BMPR1B: variants seen among roughly 807,000 people sequenced by gnomAD.
The protein encoded by BMPR1B is bone morphogenetic protein receptor type-1B.
A neutral mutation model predicts 59.1 loss-of-function variants in BMPR1B; 12 were observed. The ratio of observed to expected loss-of-function variants is 0.20; its 90% CI spans 0.13 to 0.33. BMPR1B has a LOEUF of 0.33. Ranked by LOEUF, BMPR1B falls within the 10% of genes least tolerant of loss-of-function variation. The pLI, the probability that BMPR1B is intolerant of heterozygous loss-of-function variation, is 1.00. For missense variants in BMPR1B, 550 were observed against 610.9 expected, an observed-to-expected ratio of 0.90 and a Z score of 1.05; for synonymous variants, 237 against 207.3, an observed-to-expected ratio of 1.14 and a Z score of -1.23.
intron 2 of BMPR1B, among the ~76,000 whole-genome samples, chr4:94,925,679 T>A (rs928438888): frequency 4.6e-5 from 7 of 152,168 alleles, no homozygotes; most frequent in Admixed American, 4.6e-4. Flanking sequence ...ACTGAAGAGC[T>A]TTGAAACTTG....
chr4:94,955,120 G>C (rs934123530), intron 2 of BMPR1B, among the ~76,000 whole-genome samples: 2 of 152,178 alleles, frequency 1.3e-5, no homozygotes, highest in Non-Finnish European at 2.9e-5. Flanking sequence ...CACCTGAAAA[G>C]TGGGAATGTG....
intron 1 of BMPR1B, among the ~76,000 whole-genome samples, chr4:94,849,440 C>A (rs772823150): frequency 6.6e-6 from 1 of 152,062 alleles, no homozygotes; most frequent in South Asian, 2.1e-4. Context: ...AGATTTAGAC[C>A]GTTCTCTTGA....
At chr4:94,889,636 C>T (rs1727312457) in intron 2 of BMPR1B, among the ~76,000 whole-genome samples, 1 of 152,060 alleles carries the variant, frequency 6.6e-6, no homozygotes, top group Non-Finnish European at 1.5e-5. Context: ...CTGCAGAGAA[C>T]TTTCCCATGC....
chr4:94,854,649 C>G (rs556175787), intron 1 of BMPR1B, among the ~76,000 whole-genome samples: 1 of 152,244 alleles, frequency 6.6e-6, no homozygotes, highest in African/African-American at 2.4e-5. Flanking sequence ...TCTCATGAGT[C>G]CAGCCATTCA....
At chr4:94,783,383 G>A (rs1162060974) in intron 1 of BMPR1B, among the ~76,000 whole-genome samples, 2 of 152,116 alleles carry the variant, frequency 1.3e-5, no homozygotes, top group Non-Finnish European at 2.9e-5. Flanking sequence ...GGATCTACTA[G>A]CTTCCTCTTA....
chr4:94,984,562 G>A (rs1472816587), intron 2 of BMPR1B, among the ~76,000 whole-genome samples: 1 of 152,094 alleles, frequency 6.6e-6, no homozygotes, highest in Non-Finnish European at 1.5e-5. Flanking sequence ...GTACTACTAT[G>A]CATAATTTTA....
chr4:94,866,697 G>T (rs959091297), intron 1 of BMPR1B, among the ~76,000 whole-genome samples: 1 of 152,092 alleles, frequency 6.6e-6, no homozygotes, highest in East Asian at 1.9e-4. Flanking sequence ...CGATTCTCCT[G>T]CTTCAGCCTC....
At chr4:94,974,580 G>A (rs1730940031) in intron 2 of BMPR1B, among the ~76,000 whole-genome samples, 1 of 151,934 alleles carries the variant, frequency 6.6e-6, no homozygotes, top group Non-Finnish European at 1.5e-5. Context: ...CTTTTCCTTT[G>A]CTTCACATCT....
intron 10 of BMPR1B, among the ~76,000 whole-genome samples, chr4:95,142,759 C>A (rs1336221101): frequency 6.6e-6 from 1 of 151,490 alleles, no homozygotes; most frequent in African/African-American, 2.4e-5. Context: ...ACTCTTACTT[C>A]AGTTTATGGT....
intron 3 of BMPR1B, among the ~76,000 whole-genome samples, chr4:95,008,105 CCTGA>C (rs2149119294): frequency 6.6e-6 from 1 of 152,192 alleles, no homozygotes; most frequent in East Asian, 1.9e-4. Context: ...GTAATATTTT[CCTGA>C]CTATTTTAAT....
chr4:95,117,166 C>A (rs905264114), intron 6 of BMPR1B, among the ~76,000 whole-genome samples: 1 of 152,018 alleles, frequency 6.6e-6, no homozygotes, highest in Non-Finnish European at 1.5e-5. Flanking sequence ...GTGGATAAGG[C>A]AGGATAGGCT....
intron 2 of BMPR1B, among the ~76,000 whole-genome samples, chr4:94,980,999 A>ACACACGCGCGTGTACGCGCGCG (rs1305112287): frequency 2.0e-4 from 1 of 4,928 alleles, no homozygotes; most frequent in Admixed American, 4.0e-3. Context: ...CATCACACAC[A>ACACACGCGCGTGTACGCGCGCG]CACACACACA....
chr4:94,798,352 C>T (rs1723273564), intron 1 of BMPR1B, among the ~76,000 whole-genome samples: 1 of 152,204 alleles, frequency 6.6e-6, no homozygotes, highest in Non-Finnish European at 1.5e-5. Context: ...ACTGCTGCTA[C>T]CACTCCCAGT....
rs1284863852 is a variant in BMPR1B, at chr4:95,129,156, CAA to C, written c.586-705_586-704del. ...AAAAGTATTCTGCAAATGGTTTCCT[CAA>C]GAGAGAGCATTTGTAATGAGGAGCC... On this transcript the variant is annotated intron_variant, in intron 8 of 12. Transcript: ENST00000515059. 1.2e-4 allele frequency among the ~76,000 whole-genome samples: 19 copies of C among 152,308 alleles called. No individual in the cohort carries two copies. The East Asian group carries it at 2.1e-3, about 17-fold the overall frequency.
At chr4:94,846,701 A>G (rs1487370023) in intron 1 of BMPR1B, among the ~76,000 whole-genome samples, 1 of 151,918 alleles carries the variant, frequency 6.6e-6, no homozygotes, top group Non-Finnish European at 1.5e-5. Flanking sequence ...CTTTATATGT[A>G]TATATGTATC....
intron 1 of BMPR1B, among the ~76,000 whole-genome samples, chr4:94,818,889 T>C (rs1724105402): frequency 6.6e-6 from 1 of 152,116 alleles, no homozygotes; most frequent in Non-Finnish European, 1.5e-5. Context: ...CTCAGCACTT[T>C]GGGAGGCTGA....
intron 2 of BMPR1B, among the ~76,000 whole-genome samples, chr4:94,941,325 G>A (rs1366774739): frequency 2.6e-5 from 4 of 151,840 alleles, no homozygotes; most frequent in African/African-American, 7.3e-5. Context: ...CCAGCTACCC[G>A]GGAGGCTGAG....
At chr4:94,825,331 C>T (rs1304585980) in intron 1 of BMPR1B, among the ~76,000 whole-genome samples, 1 of 151,986 alleles carries the variant, frequency 6.6e-6, no homozygotes, top group East Asian at 1.9e-4. Context: ...AGTGAGAGGT[C>T]ATCTTTACGA....
At chr4:95,105,884 CA>C (rs1560657450) in intron 4 of BMPR1B, among the ~76,000 whole-genome samples, 1 of 151,960 alleles carries the variant, frequency 6.6e-6, no homozygotes, top group Non-Finnish European at 1.5e-5. Context: ...CAGGAGCAAA[CA>C]AAGTAGCGTG....
Sources: gnomAD v4.1 joint callset for allele counts (sites outside exome capture counted in the v4.1 genomes callset) on GRCh38, gnomAD v4.1.1 for gene constraint, MANE v1.5 for transcripts, NCBI Gene and HGNC (gene_info 2026-07-23, HGNC 2026-07-21) for gene names.